The following NECAB1 variants were observed in gnomAD, a reference collection of about 807,000 sequenced individuals.
NECAB1 encodes N-terminal EF-hand calcium binding protein 1.
A neutral mutation model predicts 57.5 loss-of-function variants in NECAB1; 29 were observed. That is an observed-to-expected ratio of 0.50 (90% CI 0.38 to 0.69). The LOEUF is 0.69. Among genes scored for constraint, NECAB1 ranks in the 30% least tolerant of loss-of-function variants. The pLI, the probability that NECAB1 is intolerant of heterozygous loss-of-function variation, is 0.00. For missense variants in NECAB1, 372 were observed against 413.8 expected (o/e 0.90, Z 0.88); for synonymous variants, 142 against 147.7 (o/e 0.96, Z 0.28).
chr8:90,813,687 C>T (rs1812010033), intron 2 of NECAB1, among the ~76,000 whole-genome samples: 1 of 152,078 alleles, frequency 6.6e-6, no homozygotes, highest in African/African-American at 2.4e-5. Context: ...CCACCACACC[C>T]AGCTAATTTT....
At position 90,791,825 on chromosome 8, in the gene NECAB1, C is replaced by G. The variant is rs1811577004; in HGVS notation, c.-62C>G. On this transcript the variant is annotated 5_prime_UTR_variant, in exon 1 of 13. Transcript: ENST00000417640. ...GCGAAGCAGCAGCTGCGGCCGCGCC[C>G]TTGCCAGAGCCGGTGCGTCCGCCTA... 7.2e-7 allele frequency: 1 copy of G among 1,395,018 alleles called. No homozygotes were observed. The highest frequency in any genetic ancestry group is 1.4e-5 in the African/African-American group (1 of 69,516). The allele number at this position is 1,395,018 out of a possible 1,614,324, so 86.4% of individuals were successfully genotyped here.
At position 90,938,174 on chromosome 8, in the gene NECAB1, A is replaced by G. The variant is rs539239288; in HGVS notation, c.748-2612A>G. On this transcript the variant is annotated intron_variant, in intron 9 of 12. Transcript: ENST00000417640. The stretch of plus-strand genomic sequence containing the variant: ...GCAACAAAATCTCATGTCACTGGCA[A>G]ATACTATCCTGTGAACTGAGACTGG... Among the ~76,000 whole-genome samples the G allele has an allele frequency of 2.2e-4, 33 of 152,332 alleles. No individual in the cohort carries two copies. In the South Asian group the frequency reaches 4.1e-3, roughly 19 times the overall value.
intron 3 of NECAB1, among the ~76,000 whole-genome samples, chr8:90,850,469 G>T (rs970320806): frequency 6.6e-6 from 1 of 152,196 alleles, no homozygotes; most frequent in Non-Finnish European, 1.5e-5. Flanking sequence ...AGAGAGGCCT[G>T]GGGAACCAGC....
At chr8:90,941,435 AC>A (rs1810667452) in intron 10 of NECAB1, among the ~76,000 whole-genome samples, 1 of 152,156 alleles carries the variant, frequency 6.6e-6, no homozygotes, top group Non-Finnish European at 1.5e-5. Context: ...CATGGGTACC[AC>A]CCAGCTCAGG....
Position 90,907,856 on chromosome 8 carries a change from C to T in NECAB1, c.358-9636C>T, listed in dbSNP as rs369780009. ...TTACCAGAATATTTTGGTATTCTTT[C>T]ATAGTGAGCCACAAGGGAAAATTAA... On this transcript the variant is annotated intron_variant, in intron 5 of 12. Transcript: ENST00000417640. Among the ~76,000 whole-genome samples, 170 of 152,212 alleles carry T rather than the reference C, an allele frequency of 1.1e-3. 1 individual carries two copies. Among genetic ancestry groups the T allele is most frequent in the African/African-American group, 4.0e-3 (167 of 41,532 alleles).
At position 90,931,680 on chromosome 8, in the gene NECAB1, G is replaced by GATCA. The variant is rs564977729; in HGVS notation, c.694-2623_694-2620dup. Among the ~76,000 whole-genome samples the GATCA allele has an allele frequency of 3.3e-3, 508 of 152,186 alleles. 16 individuals carry two copies. In the East Asian group the frequency reaches 0.084, roughly 25 times the overall value. On this transcript the variant is annotated intron_variant, in intron 8 of 12. Coordinates refer to ENST00000417640, the MANE Select transcript of NECAB1 (RefSeq NM_022351.5). The stretch of plus-strand genomic sequence containing the variant: ...GCACTTTGGGAGGCTGAGGCAAGTG[G>GATCA]ATCACCTGAGGTCAGGAGTTCGAGA...
At chr8:90,800,077 G>C (rs1283659234) in intron 1 of NECAB1, among the ~76,000 whole-genome samples, 6 of 152,092 alleles carry the variant, frequency 3.9e-5, no homozygotes, top group African/African-American at 1.4e-4. Context: ...ATTGTAAATG[G>C]GATTGCATTC....
At chr8:90,854,389 T>G (rs1301570968) in intron 3 of NECAB1, among the ~76,000 whole-genome samples, 2 of 152,196 alleles carry the variant, frequency 1.3e-5, no homozygotes, top group Admixed American at 6.5e-5. Context: ...ATCTGGGTAC[T>G]CTCATTAACA....
intron 5 of NECAB1, among the ~76,000 whole-genome samples, chr8:90,905,658 A>G (rs1323510937): frequency 2.0e-5 from 3 of 152,184 alleles, no homozygotes; most frequent in Non-Finnish European, 4.4e-5. Context: ...CTGACTCTGA[A>G]GAGTCATACC....
At chr8:90,872,103 G>T in intron 3 of NECAB1, 25 bp from the exon 4 acceptor site, 1 of 1,494,356 alleles carries the variant, frequency 6.7e-7, no homozygotes, top group Non-Finnish European at 9.0e-7. Context: ...TAATAACACT[G>T]TTTTTTTTTG....
intron 6 of NECAB1, among the ~76,000 whole-genome samples, chr8:90,921,170 C>A (rs1046071645): frequency 6.6e-6 from 1 of 152,072 alleles, no homozygotes; most frequent in African/African-American, 2.4e-5. Context: ...TCATCTGCCA[C>A]CATGCCCAGC....
At chr8:90,799,645 C>T (rs1301929504) in intron 1 of NECAB1, among the ~76,000 whole-genome samples, 1 of 152,082 alleles carries the variant, frequency 6.6e-6, no homozygotes, top group East Asian at 1.9e-4. Context: ...GCTGGGTTCT[C>T]TATTCTGTTT....
chr8:90,852,346 C>A (rs1351114000), intron 3 of NECAB1, among the ~76,000 whole-genome samples: 2 of 151,978 alleles, frequency 1.3e-5, no homozygotes, highest in East Asian at 3.9e-4. Context: ...GATCAGGGAT[C>A]ACACCAGGAC....
chr8:90,897,422 A>G (rs1809382881), intron 5 of NECAB1, among the ~76,000 whole-genome samples: 1 of 152,208 alleles, frequency 6.6e-6, no homozygotes, highest in South Asian at 2.1e-4. Context: ...GGTATTATAT[A>G]ATTACATGAC....
rs1397882134 is a variant in NECAB1, at chr8:90,860,816, A to G, written c.234-11312A>G. On this transcript the variant is annotated intron_variant, in intron 3 of 12. Transcript: ENST00000417640. ...GAACCCAATATGATGATATGAGAGG[A>G]AGGAAGGAAGATCCAGAGTGGAGCA... 3.9e-5 allele frequency among the ~76,000 whole-genome samples: 6 copies of G among 152,150 alleles called. No homozygotes were observed. The East Asian group carries it at 1.2e-3, about 29-fold the overall frequency.
chr8:90,827,220 T>G (rs954598983), intron 3 of NECAB1, among the ~76,000 whole-genome samples: 5 of 152,144 alleles, frequency 3.3e-5, no homozygotes, highest in Admixed American at 2.6e-4. Context: ...AGATAAGTTT[T>G]CCTCCAAATC....
At chr8:90,891,663 A>G (rs1261894638) in intron 5 of NECAB1, among the ~76,000 whole-genome samples, 3 of 151,718 alleles carry the variant, frequency 2.0e-5, no homozygotes, top group Non-Finnish European at 4.4e-5. Context: ...GGTTATTAGT[A>G]CTGAATGCTG....
intron 9 of NECAB1, among the ~76,000 whole-genome samples, chr8:90,937,709 G>A (rs1255077357): frequency 6.6e-6 from 1 of 152,126 alleles, no homozygotes; most frequent in African/African-American, 2.4e-5. Flanking sequence ...AACAACATTT[G>A]AGCACATTCT....
chr8:90,860,279 C>A (rs1812877923), intron 3 of NECAB1, among the ~76,000 whole-genome samples: 1 of 144,378 alleles, frequency 6.9e-6, no homozygotes, highest in Non-Finnish European at 1.5e-5. Flanking sequence ...TTCTAATGGG[C>A]AGCCAGTTTT....
Sources: gnomAD v4.1 joint callset for allele counts (sites outside exome capture counted in the v4.1 genomes callset) on GRCh38, gnomAD v4.1.1 for gene constraint, MANE v1.5 for transcripts, NCBI Gene and HGNC (gene_info 2026-07-23, HGNC 2026-07-21) for gene names.